FGFR3: variants seen among roughly 807,000 people sequenced by gnomAD.
FGFR3 encodes the protein FGFR-3.
In FGFR3, 25 loss-of-function variants were observed where a neutral mutation model predicts 82.9. The ratio of observed to expected loss-of-function variants is 0.30; its 90% CI spans 0.22 to 0.42. FGFR3 has a LOEUF of 0.42. FGFR3 is among the 10% of genes least tolerant of loss of function. The probability of loss-of-function intolerance (pLI) is 1.00; values close to 1 mark genes in which losing one functional copy is unlikely to be tolerated. For missense variants in FGFR3, 1,026 were observed against 1,161.0 expected (o/e 0.88, Z 1.69); for synonymous variants, 620 against 516.0 (o/e 1.20, Z -2.73).
At position 1,801,911 on chromosome 4, in the gene FGFR3, G is replaced by A. The variant is rs2108784049; in HGVS notation, c.816G>A (p.Glu272=). The change falls in exon 7 of 18, where the codon GAG becomes GAA. Residue 272 remains glutamate, a synonymous_variant. Coordinates refer to ENST00000440486, the MANE Select transcript of FGFR3 (RefSeq NM_000142.5). The stretch of plus-strand genomic sequence containing the variant: ...CGGCGGTGCTGGGCAGCGACGTGGA[G>A]TTCCACTGCAAGGTGTACAGTGACG... ...NQTAVLGSDV[E]FHCKVYSDAQ... 6.2e-7 allele frequency: 1 copy of A among 1,612,388 alleles called. No homozygotes were observed. Among genetic ancestry groups the A allele is most frequent in the African/African-American group, 1.3e-5 (1 of 75,038 alleles).
At chr4:1,796,435 C>T (rs890967573) in intron 2 of FGFR3, among the ~76,000 whole-genome samples, 2 of 152,136 alleles carry the variant, frequency 1.3e-5, no homozygotes, top group African/African-American at 4.8e-5. Context: ...TCCTACCTGG[C>T]AATACCTCCT....
chr4:1,799,546 C>T (rs760601899), intron 3 of FGFR3, 23 bp downstream of exon 3: 1 of 1,550,864 alleles, frequency 6.4e-7, no homozygotes, highest in South Asian at 1.2e-5. Flanking sequence ...GCCACGCCAG[C>T]TACAGAAAGG....
In FGFR3 at chr4:1,799,205, G is replaced by A. The variant is rs575699109; in HGVS notation, c.110-49G>A. The A allele has an allele frequency of 3.7e-6, 6 of 1,610,712 alleles. No individual in the cohort carries two copies. The Admixed American group carries it at 5.0e-5, about 13-fold the overall frequency. The stretch of plus-strand genomic sequence containing the variant: ...GCTTCCACTGCTGTGTCTGTAAACG[G>A]TGCCGGGTTTGGGGGTGCCTGCCTC... On this transcript the variant is annotated intron_variant, in intron 2 of 17. Transcript: ENST00000440486.
intron 2 of FGFR3, among the ~76,000 whole-genome samples, chr4:1,798,779 C>A (rs1172137319): frequency 6.6e-6 from 1 of 152,182 alleles, no homozygotes; most frequent in African/African-American, 2.4e-5. Context: ...ACCCTGGCAC[C>A]CCCTCTGAGC....
At chr4:1,799,222 G>A (rs1028010628) in intron 2 of FGFR3, 32 bp from the exon 3 acceptor site, 25 of 1,611,242 alleles carry the variant, frequency 1.6e-5, no homozygotes, top group Non-Finnish European at 2.1e-5. Flanking sequence ...GTTTGGGGGT[G>A]CCTGCCTCAT....
intron 2 of FGFR3, among the ~76,000 whole-genome samples, chr4:1,796,886 TG>T (rs1477084682): frequency 1.3e-5 from 2 of 151,852 alleles, no homozygotes; most frequent in African/African-American, 4.8e-5. Flanking sequence ...TGTGCCACAG[TG>T]GGGGAAACTG....
Position 1,801,631 on chromosome 4 carries a change from G to T in FGFR3, c.627G>T (p.Gln209His). ...HRIGGIKLRH[Q>H]QWSLVMESVV... Reference sequence around the variant, plus strand: ...GCGTCCCGGTGCAGCTGCGGCATCAGCAGTGGAGCCTGGTCATGGAAAGCG... The same window carrying T: ...GCGTCCCGGTGCAGCTGCGGCATCATCAGTGGAGCCTGGTCATGGAAAGCG... The change falls in exon 6 of 18, where the codon CAG becomes CAT. Residue 209 changes from glutamine to histidine, a missense_variant. This residue lies in a region of FGFR3 where 147 missense variants were observed against 228.1 expected (regional missense o/e 0.64). Transcript: ENST00000440486. The T allele has an allele frequency of 6.2e-7, 1 of 1,610,346 alleles. No individual in the cohort carries two copies. The highest frequency in any genetic ancestry group is 8.5e-7 in the Non-Finnish European group (1 of 1,178,998).
chr4:1,793,989 G>T lies in FGFR3; in HGVS notation c.55G>T (p.Gly19Cys). Residue 19 changes from glycine to cysteine, a missense_variant, in exon 2 of 18, where the codon GGC becomes TGC. Coordinates refer to ENST00000440486, the MANE Select transcript of FGFR3 (RefSeq NM_000142.5). The part of the protein sequence containing the change: ...ALCVAVAIVA[G>C]ASSESLGTEQ... ...CTGCGTGGCCGTGGCCATCGTGGCCGGCGCCTCCTCGGAGTCCTTGGGGAC... is the reference window on the plus strand; with the variant it reads ...CTGCGTGGCCGTGGCCATCGTGGCCTGCGCCTCCTCGGAGTCCTTGGGGAC... 1 of 1,386,206 alleles carries T rather than the reference G, an allele frequency of 7.2e-7. No individual in the cohort carries two copies. Among genetic ancestry groups the T allele is most frequent in the South Asian group, 1.7e-5 (1 of 58,790 alleles). 85.9% of individuals were successfully genotyped at this position (1,386,206 alleles called of 1,614,324 possible). A position where few individuals can be genotyped will look rare whatever the true frequency, so the allele number is the denominator to read the frequency against.
At chr4:1,806,490 G>T (rs912030611) in intron 15 of FGFR3, 56 bp from the exon 16 acceptor site, 8 of 1,611,664 alleles carry the variant, frequency 5.0e-6, no homozygotes, top group Non-Finnish European at 6.8e-6. Flanking sequence ...CCTGGTGCCC[G>T]CCCAGGTGTC....
intron 7 of FGFR3, among the ~76,000 whole-genome samples, chr4:1,802,564 G>T (rs896172651): frequency 6.6e-6 from 1 of 152,232 alleles, no homozygotes; most frequent in Non-Finnish European, 1.5e-5. Context: ...GAGAGAAGAC[G>T]GTCTCTTGGG....
At chr4:1,803,229 C>T (rs868728643) in intron 7 of FGFR3, 22 of 841,916 alleles carry the variant, frequency 2.6e-5, no homozygotes, top group East Asian at 7.3e-5. Flanking sequence ...CCACGGTGAC[C>T]GCCCGCTTCG....
Position 1,799,797 on chromosome 4 carries a change from A to G in FGFR3, c.430A>G (p.Thr144Ala). ...DEDGEDEAED[T>A]GVDTGAPYWT... ...AGACGGGGAGGACGAGGCTGAGGACACAGGTGTGGACACAGGTAGGAGCAG... is the reference window on the plus strand; with the variant it reads ...AGACGGGGAGGACGAGGCTGAGGACGCAGGTGTGGACACAGGTAGGAGCAG... Residue 144 changes from threonine (T) to alanine (A), a missense_variant, in exon 4 of 18, where the codon ACA becomes GCA. Physicochemically the swap from Thr to Ala is moderately conservative, Grantham distance 58. Coordinates refer to ENST00000440486, the MANE Select transcript of FGFR3 (RefSeq NM_000142.5). 1 of 1,612,840 alleles carries G rather than the reference A, an allele frequency of 6.2e-7. No homozygotes were observed. Among genetic ancestry groups the G allele is most frequent in the Non-Finnish European group, 8.5e-7 (1 of 1,179,848 alleles).
At position 1,807,610 on chromosome 4, in the gene FGFR3, C is replaced by T. The variant is rs775902246; in HGVS notation, c.*348C>T. On this transcript the variant is annotated 3_prime_UTR_variant, in exon 18 of 18. Transcript: ENST00000440486. ...CCCCCGTGGGGCAGGGAGCTGGGCC[C>T]GACATGGCTCCGGCCTCTGCCTTTG... The T allele has an allele frequency of 1.8e-5, 12 of 666,424 alleles. No individual in the cohort carries two copies. The highest frequency in any genetic ancestry group is 1.2e-4 in the South Asian group (9 of 72,834). 41.3% of individuals were successfully genotyped at this position (666,424 alleles called of 1,614,324 possible). A position where few individuals can be genotyped will look rare whatever the true frequency, so the allele number is the denominator to read the frequency against.
At chr4:1,798,194 C>G (rs535482280) in intron 2 of FGFR3, among the ~76,000 whole-genome samples, 1 of 152,184 alleles carries the variant, frequency 6.6e-6, no homozygotes, top group South Asian at 2.1e-4. Context: ...CAGGGGCCAC[C>G]TGCACATCTG....
At position 1,807,868 on chromosome 4, in the gene FGFR3, T is replaced by C. The variant is rs1577298905; in HGVS notation, c.*606T>C. The stretch of plus-strand genomic sequence containing the variant: ...TTTATTCCGGAAACTAGTGTACATT[T>C]CTATAAATAGATGCTGTGTATATGG... On this transcript the variant is annotated 3_prime_UTR_variant, in exon 18 of 18. Transcript: ENST00000440486. 5 of 425,704 alleles carry C rather than the reference T, an allele frequency of 1.2e-5. No homozygotes were observed. Among genetic ancestry groups the C allele is most frequent in the South Asian group, 6.6e-5 (3 of 45,594 alleles). 26.4% of individuals were successfully genotyped at this position (425,704 alleles called of 1,614,324 possible).
At chr4:1,802,698 G>C (rs1235799325) in intron 7 of FGFR3, among the ~76,000 whole-genome samples, 1 of 152,140 alleles carries the variant, frequency 6.6e-6, no homozygotes, top group Non-Finnish European at 1.5e-5. Flanking sequence ...ACCAGAGGTT[G>C]TCTGAGGGTC....
chr4:1,799,684 AGGGGCACCTG>A (rs1295363058), intron 3 of FGFR3, 53 bp from the exon 4 acceptor site: 1 of 1,596,962 alleles, frequency 6.3e-7, no homozygotes, highest in Non-Finnish European at 8.5e-7. Context: ...CCCATCTGGG[AGGGGCACCTG>A]GGGGCCTCCT....
rs1176295260 is a variant in FGFR3, at chr4:1,805,933, C to T, written c.1829C>T (p.Ser610Phe). 1.2e-6 allele frequency: 2 copies of T among 1,608,460 alleles called. No individual in the cohort carries two copies. Among genetic ancestry groups the T allele is most frequent in the South Asian group, 2.2e-5 (2 of 90,780 alleles). The change falls in exon 13 of 18, where the codon TCC becomes TTC. Residue 610 changes from serine to phenylalanine, a missense_variant. By Grantham distance (155) the Ser-to-Phe change is radical. This residue lies in a region of FGFR3 where 164 missense variants were observed against 167.5 expected (regional missense o/e 0.98). Coordinates refer to ENST00000440486, the MANE Select transcript of FGFR3 (RefSeq NM_000142.5). ...QVARGMEYLA[S>F]QKCIHRDLAA... The stretch of plus-strand genomic sequence containing the variant: ...GCCCGGGGCATGGAGTACTTGGCCT[C>T]CCAGAAGGTGGGCAGGGCGGCAGGT...
intron 9 of FGFR3, 33 bp from the exon 10 acceptor site, chr4:1,804,791 G>A (rs1354990150): frequency 7.1e-6 from 11 of 1,548,618 alleles, no homozygotes; most frequent in African/African-American, 1.4e-5. Context: ...TGTCGCCCAC[G>A]CGGCGCCAAC....
Sources: gnomAD v4.1 joint callset for allele counts (sites outside exome capture counted in the v4.1 genomes callset) on GRCh38, gnomAD v4.1.1 for gene constraint, gnomAD v4.1.1 regional missense constraint, MANE v1.5 for transcripts, NCBI Gene and HGNC (gene_info 2026-07-23, HGNC 2026-07-21) for gene names.